Variants in SEMA4G observed in about 807,000 individuals in gnomAD.
SEMA4G encodes the protein semaphorin 4G.
Under a neutral mutation model 81.2 loss-of-function variants are expected in SEMA4G, and 59 were observed. That is an observed-to-expected ratio of 0.73 (90% CI 0.59 to 0.90). The LOEUF (loss-of-function observed/expected upper bound fraction) is 0.90, where lower values mean the gene tolerates loss of function less well. Ranked by LOEUF, SEMA4G falls within the 40% of genes least tolerant of loss-of-function variation. The probability of loss-of-function intolerance (pLI) is 0.00; values close to 1 mark genes in which losing one functional copy is unlikely to be tolerated. For synonymous variants in SEMA4G, 404 were observed against 433.9 expected, an observed-to-expected ratio of 0.93 and a Z score of 0.86; for missense variants, 952 against 1,102.3, an observed-to-expected ratio of 0.86 and a Z score of 1.93.
exon 6 of SEMA4G, chr10:100,978,637 A>G: frequency 6.2e-7 from 1 of 1,613,152 alleles, no homozygotes; most frequent in Non-Finnish European, 8.5e-7. Context: ...GCATTGGCTC[A>G]ATGGTTAGGA....
intron 13 of SEMA4G, 139 bp downstream of exon 14, chr10:100,981,368 GCA>G: frequency 6.2e-7 from 1 of 1,608,140 alleles, no homozygotes; most frequent in Non-Finnish European, 8.5e-7. Context: ...ACAGAGCCTG[GCA>G]CAGAGTAAGT....
chr10:100,981,439 G>A (rs1192183285), intron 13 of SEMA4G: 3 of 1,613,992 alleles, frequency 1.9e-6, no homozygotes, highest in Admixed American at 1.7e-5. Context: ...TTTAAGATGT[G>A]AAGTGTCTTG....
chr10:100,979,434 G>A, intron 8 of SEMA4G, 163 bp downstream of exon 9: 1 of 1,530,734 alleles, frequency 6.5e-7, no homozygotes. Context: ...CCAGGCTGGA[G>A]TGCAGTGGCG....
chr10:100,984,457 T>C (rs2295716), exon 14 of SEMA4G: 354,469 of 1,517,328 alleles, frequency 0.23, 46,429 homozygotes, highest in East Asian at 0.55. Flanking sequence ...TCCTGTTCCA[T>C]TCATCTGCCC....
rs767088790 is a variant in SEMA4G at position 100,979,823 on chromosome 10, C to T, written c.984-25C>T. On this transcript the variant is annotated intron_variant, in intron 8 of 13. Coordinates refer to ENST00000370250, the Ensembl canonical transcript of SEMA4G. ...CAGGCTTGACTCCATGTAACTCACCCCCCTTGCCCTATGTCCCATTCTAGG... is the reference window on the plus strand; with the variant it reads ...CAGGCTTGACTCCATGTAACTCACCTCCCTTGCCCTATGTCCCATTCTAGG... 3 of 1,611,330 alleles carry T rather than the reference C, an allele frequency of 1.9e-6. No homozygotes were observed. The South Asian group carries it at 3.3e-5, about 18-fold the overall frequency.
At chr10:100,980,618 G>C (rs775644707) in exon 11 of SEMA4G, 6 of 1,614,212 alleles carry the variant, frequency 3.7e-6, no homozygotes, top group Non-Finnish European at 5.1e-6. Context: ...TGGGCTCTGG[G>C]ATGCACATTA....
At chr10:100,976,340 G>GAGCC (rs1369118888) in intron 3 of SEMA4G, among the ~76,000 whole-genome samples, 1 of 152,178 alleles carries the variant, frequency 6.6e-6, no homozygotes. Context: ...GGTCACTGAT[G>GAGCC]AGCCGATACA....
rs373053309 is a variant in SEMA4G, at chr10:100,973,270, A to G, written c.266A>G (p.His89Arg). ...GCCAACGACATAGGAGATGGGGCTC[A>G]CAAAGAGGTCAGGCCCTGGAACCTG... Residue 89 changes from histidine to arginine, a missense_variant, in exon 2 of 14, where the codon CAC becomes CGC. Physicochemically the swap from His to Arg is conservative, Grantham distance 29. Coordinates refer to ENST00000370250, the Ensembl canonical transcript of SEMA4G. This position sits in a 1 kb window ranked among gnomAD's most constrained non-coding sequence, Gnocchi z 5.5. 39 of 1,612,848 alleles carry G rather than the reference A, an allele frequency of 2.4e-5. No individual in the cohort carries two copies. In the African/African-American group the frequency reaches 5.2e-4, roughly 22 times the overall value.
rs767847442 is a variant in SEMA4G, at chr10:100,984,466, C to T, written c.*335C>T. On this transcript the variant is annotated 3_prime_UTR_variant, in exon 14 of 14. Coordinates refer to ENST00000370250, the Ensembl canonical transcript of SEMA4G. ...CCATCCTCCTGTTCCATTCATCTGC[C>T]CAAACCCTTTCTCTTTCTCCCAGGC... is the stretch of plus-strand genomic sequence containing the variant. The T allele has an allele frequency of 7.2e-6, 11 of 1,527,328 alleles. No individual in the cohort carries two copies. The South Asian group carries it at 1.3e-4, about 18-fold the overall frequency. 94.6% of individuals were successfully genotyped at this position (1,527,328 alleles called of 1,614,324 possible).
exon 13 of SEMA4G, chr10:100,981,218 G>C: frequency 1.9e-6 from 3 of 1,614,246 alleles, no homozygotes; most frequent in Non-Finnish European, 2.5e-6. Flanking sequence ...TGTGAGAGCA[G>C]CAGGGATACA....
chr10:100,980,264 A>G lies in SEMA4G; in HGVS notation c.1271A>G (p.Asn424Ser), dbSNP rs143118773. The stretch of plus-strand genomic sequence containing the variant: ...GGACGGCCCCTGCTGCTCAAGCGCA[A>G]CATACGCTACACACACCTTACAGGG... Residue 424 changes from asparagine (N) to serine (S), a missense_variant, in exon 10 of 14, where the codon AAC becomes AGC. Coordinates refer to ENST00000370250, the Ensembl canonical transcript of SEMA4G. 248 of 1,614,238 alleles carry G rather than the reference A, an allele frequency of 1.5e-4. 3 individuals are homozygous for G. The East Asian group carries it at 5.4e-3, about 35-fold the overall frequency.
At position 100,973,738 on chromosome 10, in the gene SEMA4G, T is replaced by C; in HGVS notation, c.336+129T>C. The C allele has an allele frequency of 2.4e-6, 2 of 826,874 alleles. No homozygotes were observed. The highest frequency in any genetic ancestry group is 1.9e-6 in the Non-Finnish European group (1 of 524,058). 51.2% of individuals were successfully genotyped at this position (826,874 alleles called of 1,614,324 possible). On this transcript the variant is annotated intron_variant, in intron 3 of 13. Coordinates refer to ENST00000370250, the Ensembl canonical transcript of SEMA4G. This position sits in a 1 kb window ranked among gnomAD's most constrained non-coding sequence, Gnocchi z 5.5. ...CAATCTCAGCAACCACAGTAAACAT[T>C]GTAAGTATTGCCAGAGTGGCAAGCC... is the stretch of plus-strand genomic sequence containing the variant.
At chr10:100,977,045 AAGC>A (rs1850826315) in intron 3 of SEMA4G, among the ~76,000 whole-genome samples, 1 of 152,130 alleles carries the variant, frequency 6.6e-6, no homozygotes, top group African/African-American at 2.4e-5. Flanking sequence ...AGGAAGTAGG[AAGC>A]AGCAAGGATG....
intron 3 of SEMA4G, among the ~76,000 whole-genome samples, chr10:100,976,053 A>C (rs1850766305): frequency 6.6e-6 from 1 of 152,142 alleles, no homozygotes; most frequent in South Asian, 2.1e-4. Flanking sequence ...GGTCAGAGGA[A>C]GGGGCCTGAG....
At chr10:100,977,935 C>A in intron 4 of SEMA4G, 1 of 588,162 alleles carries the variant, frequency 1.7e-6, no homozygotes, top group Non-Finnish European at 3.0e-6. Flanking sequence ...ATAGCATTTT[C>A]ACTTAGCATC....
intron 6 of SEMA4G, 75 bp downstream of exon 7, chr10:100,978,715 C>T: frequency 6.4e-7 from 1 of 1,551,364 alleles, no homozygotes; most frequent in Non-Finnish European, 8.9e-7. Flanking sequence ...GCCAGCTGAC[C>T]ACCCCACCCC....
intron 3 of SEMA4G, among the ~76,000 whole-genome samples, chr10:100,976,917 A>G (rs1216769374): frequency 6.6e-6 from 1 of 152,196 alleles, no homozygotes; most frequent in African/African-American, 2.4e-5. Context: ...GCAGATGTCT[A>G]AGGAAGAGGT....
chr10:100,985,131 T>C (rs1851373532), downstream of SEMA4G: 2 of 441,208 alleles, frequency 4.5e-6, no homozygotes, highest in South Asian at 1.4e-4. Context: ...CCAGCCTCTC[T>C]TTTGGGGGAA....
exon 11 of SEMA4G, chr10:100,980,584 G>A (rs754532026): frequency 1.2e-6 from 2 of 1,613,854 alleles, no homozygotes; most frequent in South Asian, 1.1e-5. Flanking sequence ...CCAGCTGATG[G>A]CTGGATCCAC....
Sources: allele counts gnomAD v4.1 joint callset (sites outside exome capture counted in the v4.1 genomes callset), GRCh38; gene constraint gnomAD v4.1.1; non-coding constraint Gnocchi (gnomAD v3.1); transcripts MANE v1.5; gene names NCBI Gene and HGNC (gene_info 2026-07-23, HGNC 2026-07-21).